The following ZNF75D variants were observed in gnomAD, a reference collection of about 807,000 sequenced individuals.
ZNF75D encodes the protein zinc finger protein 75.
In ZNF75D, 33 loss-of-function variants were observed where a neutral mutation model predicts 33.3. That is an observed-to-expected ratio of 0.99 (90% CI 0.75 to 1.32). The LOEUF (loss-of-function observed/expected upper bound fraction) is 1.32, where lower values mean the gene tolerates loss of function less well. Among genes scored for constraint, ZNF75D ranks in the 40% most tolerant of loss-of-function variants. The pLI is 0.00. For synonymous variants in ZNF75D, 113 were observed against 130.6 expected (o/e 0.87, Z 0.92); for missense variants, 338 against 367.5 (o/e 0.92, Z 0.66).
chrX:135,268,736 G>GA (rs1217447495), intron 1 of ZNF75D, among the ~76,000 whole-genome samples: 22 of 106,076 alleles, frequency 2.1e-4, no homozygotes, highest in South Asian at 1.2e-3. Context: ...CACAAAAATA[G>GA]AAAAAAAAAA....
intron 2 of ZNF75D, chrX:135,252,703 A>G (rs2148456969): frequency 9.6e-6 from 1 of 103,847 alleles, no homozygotes; most frequent in East Asian, 2.9e-4. Context: ...GAATGAAGAA[A>G]TGCAAATGTA....
intron 1 of ZNF75D, among the ~76,000 whole-genome samples, chrX:135,263,790 G>A (rs782100701): frequency 2.0e-3 from 227 of 112,746 alleles, no homozygotes; most frequent in Admixed American, 6.7e-3. Context: ...GCGACACCCC[G>A]CCCTGCTTCA....
chrX:135,306,123 T>C (rs2148479931), intron 1 of ZNF75D, among the ~76,000 whole-genome samples: 1 of 111,014 alleles, frequency 9.0e-6, no homozygotes, highest in South Asian at 3.8e-4. Flanking sequence ...AGCAGAATGC[T>C]CAGCATGGAT....
chrX:135,320,492 T>C (rs186944878), intron 1 of ZNF75D, among the ~76,000 whole-genome samples: 7 of 111,756 alleles, frequency 6.3e-5, no homozygotes, highest in African/African-American at 2.3e-4. Flanking sequence ...CATCTTGAAA[T>C]ACAAGAAAAA....
chrX:135,331,153 T>A (rs1346788610), intron 1 of ZNF75D, among the ~76,000 whole-genome samples: 1 of 111,500 alleles, frequency 9.0e-6, no homozygotes, highest in East Asian at 2.8e-4. Flanking sequence ...GCATTGTGGA[T>A]TTTTGGTTCT....
At chrX:135,306,288 TACACACACACACACAC>T (rs57049630) in intron 1 of ZNF75D, among the ~76,000 whole-genome samples, 22 of 83,244 alleles carry the variant, frequency 2.6e-4, no homozygotes, top group African/African-American at 6.6e-4. Context: ...CAGAGATACA[TACACACACACACACAC>T]ACACACACAC....
rs1487998397 is a variant in ZNF75D at position 135,287,794 on chromosome X, T to C, written c.876A>G (p.Thr292=). The change falls in exon 7 of 7, where the codon ACA becomes ACG. Residue 292 remains threonine (T), a synonymous_variant. Coordinates refer to ENST00000370766, the MANE Select transcript of ZNF75D (RefSeq NM_007131.5). The part of the protein sequence containing the change: ...TGNDHPISVS[T]SEIQTSGCEV... ...CGCATCCTGATGTTTGTATTTCTGA[T>C]GTAGAAACAGATATAGGATGATCAT... 3 of 1,209,377 alleles carry C rather than the reference T, an allele frequency of 2.5e-6. No individual in the cohort carries two copies. The highest frequency in any genetic ancestry group is 3.4e-6 in the Non-Finnish European group (3 of 894,722).
chrX:135,273,198 A>G lies in ZNF75D; in HGVS notation n.828-17421T>C, dbSNP rs782456973. Among the ~76,000 whole-genome samples the G allele has an allele frequency of 3.1e-3, 338 of 110,210 alleles. 1 individual carries two copies. The highest frequency in any genetic ancestry group is 7.5e-3 in the South Asian group (19 of 2,539). ...TCCCTCTCTCTCTCTTTTCCTTTCCAACTCAGGACTCTTGATGGGCAGCGC... is the reference window on the plus strand; with the variant it reads ...TCCCTCTCTCTCTCTTTTCCTTTCCGACTCAGGACTCTTGATGGGCAGCGC... On this transcript the variant is annotated intron_variant and non_coding_transcript_variant, in intron 1 of 3. Transcript: ENST00000494295.
intron 1 of ZNF75D, among the ~76,000 whole-genome samples, chrX:135,260,336 T>C (rs1293481453): frequency 8.9e-6 from 1 of 112,409 alleles, no homozygotes; most frequent in Non-Finnish European, 1.9e-5. Flanking sequence ...ATTTCCTCTT[T>C]TTCTATTGAT....
At position 135,343,787 on chromosome X, in the gene ZNF75D, G is replaced by C. The variant is rs782271270; in HGVS notation, c.-2410C>G. The C allele has an allele frequency of 9.0e-6, 1 of 111,685 alleles. No individual in the cohort carries two copies. The highest frequency in any genetic ancestry group is 1.9e-5 in the Non-Finnish European group (1 of 53,072). The allele number at this position is 111,685 out of a possible 1,213,427, so 9.2% of individuals were successfully genotyped here. ...GAGATGATGGCTTCAGCAGGAGTCC[G>C]GCGTGCTCCGGTTTCAAGTTCCAGC... On this transcript the variant is annotated 5_prime_UTR_variant, in exon 1 of 7. Transcript: ENST00000370766.
At chrX:135,336,890 C>T (rs1990273) in intron 1 of ZNF75D, among the ~76,000 whole-genome samples, 28,137 of 110,755 alleles carry the variant, frequency 0.25, 2,837 homozygotes, top group South Asian at 0.43. Flanking sequence ...CAATCATTGG[C>T]CAATGTCATT....
intron 1 of ZNF75D, among the ~76,000 whole-genome samples, chrX:135,339,920 C>A (rs782625268): frequency 1.7e-4 from 19 of 112,338 alleles, no homozygotes; most frequent in African/African-American, 5.5e-4. Flanking sequence ...ACAGCAGTCA[C>A]TGAAAGAGCT....
intron 1 of ZNF75D, among the ~76,000 whole-genome samples, chrX:135,256,425 G>T (rs1214036936): frequency 1.8e-5 from 2 of 111,474 alleles, no homozygotes; most frequent in African/African-American, 6.5e-5. Flanking sequence ...AGGTGTGTGT[G>T]TGGGGGGGTG....
intron 1 of ZNF75D, among the ~76,000 whole-genome samples, chrX:135,328,656 G>A (rs2084612652): frequency 8.9e-6 from 1 of 112,013 alleles, no homozygotes; most frequent in Middle Eastern, 4.6e-3. Context: ...GTAAAACAGA[G>A]GATGCCAAGG....
At chrX:135,281,885 C>A (rs1386054073), downstream of ZNF75D, among the ~76,000 whole-genome samples, 1 of 112,207 alleles carries the variant, frequency 8.9e-6, no homozygotes, top group Non-Finnish European at 1.9e-5. Flanking sequence ...GGGGCACCTG[C>A]CAGATGCCAG....
Position 135,291,574 on chromosome X carries a change from A to C in ZNF75D, c.605-11T>G. ...GTTGATCATGCACAGCTGTGGGTAG[A>C]AAATAGCCAGGGAAAATTTCTGTTT... On this transcript the variant is annotated splice_polypyrimidine_tract_variant and intron_variant, in intron 4 of 6. Transcript: ENST00000370766. 8.3e-7 allele frequency: 1 copy of C among 1,204,755 alleles called. No homozygotes were observed.
chrX:135,324,056 T>C (rs2084531138), intron 1 of ZNF75D, among the ~76,000 whole-genome samples: 1 of 110,630 alleles, frequency 9.0e-6, no homozygotes, highest in Non-Finnish European at 1.9e-5. Flanking sequence ...AAGAGGTTTA[T>C]TACTCACATA....
intron 1 of ZNF75D, among the ~76,000 whole-genome samples, chrX:135,312,027 G>T (rs545525791): frequency 9.0e-6 from 1 of 111,362 alleles, no homozygotes; most frequent in South Asian, 3.8e-4. Flanking sequence ...CAGCTATTTT[G>T]GAATCCATAG....
Position 135,278,225 on chromosome X carries a change from C to T in ZNF75D, n.828-22448G>A, listed in dbSNP as rs782637079. On this transcript the variant is annotated intron_variant and non_coding_transcript_variant, in intron 1 of 3. Coordinates refer to the ZNF75D transcript ENST00000494295. ...CTTCACATCCCTTGTAAGTTGGATT[C>T]CTAGGTATTTTATTCTCTTTGTAGC... 8.1e-5 allele frequency among the ~76,000 whole-genome samples: 9 copies of T among 111,254 alleles called. No individual in the cohort carries two copies. The East Asian group carries it at 2.5e-3, about 31-fold the overall frequency.
Sources: allele counts gnomAD v4.1 joint callset (sites outside exome capture counted in the v4.1 genomes callset), GRCh38; gene constraint gnomAD v4.1.1; transcripts MANE v1.5; gene names NCBI Gene and HGNC (gene_info 2026-07-23, HGNC 2026-07-21).